Variants in SGMS2 observed in about 807,000 individuals in gnomAD.
SGMS2 encodes the protein sphingomyelin synthase 2, also known as phosphatidylcholine:ceramide cholinephosphotransferase 2.
A neutral mutation model predicts 43.8 loss-of-function variants in SGMS2; 21 were observed. That is an observed-to-expected ratio of 0.48 (90% CI 0.34 to 0.69). SGMS2 has a LOEUF of 0.69. Among genes scored for constraint, SGMS2 ranks in the 30% least tolerant of loss-of-function variants. The pLI is 0.01. For synonymous variants in SGMS2, 167 were observed against 160.6 expected (o/e 1.04, Z -0.30); for missense variants, 384 against 443.2 (o/e 0.87, Z 1.20).
chr4:107,908,422 G>A, intron 5 of SGMS2, 143 bp from the exon 6 acceptor site: 1 of 807,070 alleles, frequency 1.2e-6, no homozygotes, highest in Non-Finnish European at 2.0e-6. Context: ...GCAGTTCATA[G>A]TGACTCAGTT....
rs541837977 is a variant in SGMS2 at position 107,848,067 on chromosome 4, A to G, written c.-326-10405A>G. The stretch of plus-strand genomic sequence containing the variant: ...TGCCCTAAAAGTCTGTGTTCTGCGT[A>G]TTCACTCCTCCCCAATCCTCAACCT... On this transcript the variant is annotated intron_variant, in intron 1 of 6. Coordinates refer to ENST00000690982, the MANE Select transcript of SGMS2 (RefSeq NM_001375905.1). 6.3e-4 allele frequency among the ~76,000 whole-genome samples: 96 copies of G among 152,160 alleles called. 2 individuals are homozygous for G. Among genetic ancestry groups the G allele is most frequent in the South Asian group, 3.1e-3 (15 of 4,830 alleles).
At chr4:107,835,154 A>G (rs1306408930) in intron 1 of SGMS2, among the ~76,000 whole-genome samples, 1 of 152,308 alleles carries the variant, frequency 6.6e-6, no homozygotes, top group Non-Finnish European at 1.5e-5. Context: ...CACTAGTGTA[A>G]GAAATAAAAT....
intron 2 of SGMS2, among the ~76,000 whole-genome samples, chr4:107,881,676 T>TAA (rs1729365829): frequency 6.6e-6 from 1 of 152,196 alleles, no homozygotes; most frequent in Non-Finnish European, 1.5e-5. Context: ...GTAGTCACCC[T>TAA]GTTCTATCAA....
intron 2 of SGMS2, chr4:107,864,043 A>G (rs1727937170): frequency 1.3e-5 from 2 of 152,290 alleles, no homozygotes; most frequent in African/African-American, 4.8e-5. Flanking sequence ...GCTCATAACC[A>G]GCAGAGGAGA....
At chr4:107,872,895 G>A (rs182739679) in intron 2 of SGMS2, among the ~76,000 whole-genome samples, 1 of 152,120 alleles carries the variant, frequency 6.6e-6, no homozygotes, top group East Asian at 1.9e-4. Flanking sequence ...GTGTGGTTCT[G>A]GTTTTTCAGT....
At chr4:107,840,423 A>C (rs2125997433) in intron 1 of SGMS2, among the ~76,000 whole-genome samples, 1 of 152,232 alleles carries the variant, frequency 6.6e-6, no homozygotes, top group South Asian at 2.1e-4. Flanking sequence ...TCCCTCCTCC[A>C]TATACATTTT....
At chr4:107,827,679 C>T (rs1725670562) in intron 1 of SGMS2, among the ~76,000 whole-genome samples, 2 of 152,160 alleles carry the variant, frequency 1.3e-5, no homozygotes, top group South Asian at 2.1e-4. Flanking sequence ...GTCAGCTCAG[C>T]TCAACTGAGA....
chr4:107,898,537 G>A (rs1283688229), intron 3 of SGMS2, among the ~76,000 whole-genome samples: 1 of 152,004 alleles, frequency 6.6e-6, no homozygotes, highest in Non-Finnish European at 1.5e-5. Context: ...TATGTTTTAT[G>A]CAGTAATGAA....
chr4:107,890,053 AT>A (rs1730075968), intron 2 of SGMS2, among the ~76,000 whole-genome samples: 3 of 152,148 alleles, frequency 2.0e-5, no homozygotes, highest in Admixed American at 6.5e-5. Flanking sequence ...AAACAAAGAC[AT>A]TTTTAAGTGT....
At chr4:107,893,889 C>T (rs921131734) in intron 2 of SGMS2, among the ~76,000 whole-genome samples, 1 of 152,158 alleles carries the variant, frequency 6.6e-6, no homozygotes, top group African/African-American at 2.4e-5. Flanking sequence ...TCAGTCTTCT[C>T]CAGTAGTCTT....
rs1484436894 is a variant in SGMS2, at chr4:107,863,261, T to G, written c.-245+4708T>G. ...GCGTTCAAATTCTACCTCTGTCACT[T>G]GTTACATTTCTAACTTCATACCTCA... On this transcript the variant is annotated intron_variant, in intron 2 of 6. Transcript: ENST00000690982. Among the ~76,000 whole-genome samples, 3 of 152,206 alleles carry G rather than the reference T, an allele frequency of 2.0e-5. No homozygotes were observed. The East Asian group carries it at 5.8e-4, about 29-fold the overall frequency.
chr4:107,884,326 C>A (rs1729577708), intron 2 of SGMS2, among the ~76,000 whole-genome samples: 1 of 152,110 alleles, frequency 6.6e-6, no homozygotes, highest in Admixed American at 6.6e-5. Context: ...TCCCTTCCTT[C>A]CCCTATATTC....
chr4:107,864,503 G>C (rs1402484197), intron 2 of SGMS2: 1 of 152,182 alleles, frequency 6.6e-6, no homozygotes, highest in Non-Finnish European at 1.5e-5. Flanking sequence ...TGCCTCAAAA[G>C]CCAGTCATAA....
chr4:107,852,746 AT>A (rs56359938), intron 1 of SGMS2, among the ~76,000 whole-genome samples: 107 of 146,566 alleles, frequency 7.3e-4, no homozygotes, highest in East Asian at 4.0e-3. Context: ...CTTGTTTCTC[AT>A]TTTTTTTTTT....
intron 2 of SGMS2, among the ~76,000 whole-genome samples, chr4:107,878,434 A>C (rs1176749507): frequency 6.6e-6 from 1 of 152,268 alleles, no homozygotes; most frequent in East Asian, 1.9e-4. Flanking sequence ...CCTCTCATCT[A>C]GGGTATATTT....
Position 107,831,459 on chromosome 4 carries a change from A to G in SGMS2, c.-327+6206A>G, listed in dbSNP as rs539056899. ...TTGGCTGTATAATGGGAGTAAAATAATATTTACCCCATAAGGTGACTATAC... is the reference window on the plus strand; with the variant it reads ...TTGGCTGTATAATGGGAGTAAAATAGTATTTACCCCATAAGGTGACTATAC... On this transcript the variant is annotated intron_variant, in intron 1 of 6. Transcript: ENST00000690982. Among the ~76,000 whole-genome samples the G allele has an allele frequency of 4.6e-5, 7 of 152,310 alleles. No homozygotes were observed. The South Asian group carries it at 1.2e-3, about 27-fold the overall frequency.
intron 6 of SGMS2, among the ~76,000 whole-genome samples, chr4:107,909,606 C>T (rs1731936986): frequency 6.6e-6 from 1 of 152,186 alleles, no homozygotes; most frequent in Admixed American, 6.5e-5. Context: ...AATGCCACCT[C>T]TTCCAGGAAG....
At chr4:107,882,020 C>CTT (rs1729396678) in intron 2 of SGMS2, among the ~76,000 whole-genome samples, 1 of 152,162 alleles carries the variant, frequency 6.6e-6, no homozygotes, top group Non-Finnish European at 1.5e-5. Flanking sequence ...TCAGTGGACA[C>CTT]TTATGTTGCT....
rs1249194140 is a variant in SGMS2, at chr4:107,912,150, G to A, written c.*1597G>A. On this transcript the variant is annotated 3_prime_UTR_variant, in exon 7 of 7. Coordinates refer to ENST00000690982, the MANE Select transcript of SGMS2 (RefSeq NM_001375905.1). The stretch of plus-strand genomic sequence containing the variant: ...GCTTGAGAAAAACACAATGCAAATC[G>A]TTCAGAAGGGTCAACATCCTTTGGT... 2 of 152,030 alleles carry A rather than the reference G, an allele frequency of 1.3e-5. No homozygotes were observed. The highest frequency in any genetic ancestry group is 2.4e-5 in the African/African-American group (1 of 41,394). 9.4% of individuals were successfully genotyped at this position (152,030 alleles called of 1,614,324 possible). A position where few individuals can be genotyped will look rare whatever the true frequency, so the allele number is the denominator to read the frequency against.
Sources: allele counts gnomAD v4.1 joint callset (sites outside exome capture counted in the v4.1 genomes callset), GRCh38; gene constraint gnomAD v4.1.1; transcripts MANE v1.5; gene names NCBI Gene and HGNC (gene_info 2026-07-23, HGNC 2026-07-21).